Variants in ANGPT1 observed in about 807,000 individuals in gnomAD.
ANGPT1 encodes the protein angiopoietin-1.
Under a neutral mutation model 62.2 loss-of-function variants are expected in ANGPT1, and 17 were observed. The observed-to-expected ratio is 0.27, with a 90% CI of 0.19 to 0.41. ANGPT1 has a LOEUF of 0.41. Among genes scored for constraint, ANGPT1 ranks in the 10% least tolerant of loss-of-function variants. The probability of loss-of-function intolerance (pLI) is 1.00; values close to 1 mark genes in which losing one functional copy is unlikely to be tolerated. For missense variants in ANGPT1, 478 were observed against 594.9 expected, an observed-to-expected ratio of 0.80 and a Z score of 2.04; for synonymous variants, 199 against 198.9, an observed-to-expected ratio of 1.00 and a Z score of 0.00.
At chr8:107,486,779 C>G (rs541716370) in intron 1 of ANGPT1, among the ~76,000 whole-genome samples, 1 of 152,164 alleles carries the variant, frequency 6.6e-6, no homozygotes, top group Non-Finnish European at 1.5e-5. Flanking sequence ...CACTTCATCA[C>G]TGGGCTGTAC....
At chr8:107,433,147 G>A (rs912886224) in intron 1 of ANGPT1, among the ~76,000 whole-genome samples, 4 of 151,984 alleles carry the variant, frequency 2.6e-5, no homozygotes, top group African/African-American at 9.7e-5. Flanking sequence ...ATTTGGTGTG[G>A]GTATAGGGGA....
chr8:107,334,412 C>T (rs895360474), intron 3 of ANGPT1, among the ~76,000 whole-genome samples: 5 of 152,138 alleles, frequency 3.3e-5, no homozygotes, highest in Admixed American at 6.5e-5. Flanking sequence ...AGAAGTCAGA[C>T]TTCCAGACTG....
At chr8:107,340,497 T>C (rs1251489337) in intron 2 of ANGPT1, among the ~76,000 whole-genome samples, 2 of 152,072 alleles carry the variant, frequency 1.3e-5, no homozygotes, top group African/African-American at 4.8e-5. Flanking sequence ...CTCTGATCCT[T>C]TAAATTAATA....
intron 1 of ANGPT1, among the ~76,000 whole-genome samples, chr8:107,445,132 CATCACATCTCCT>C (rs1216029674): frequency 2.0e-5 from 3 of 152,172 alleles, no homozygotes; most frequent in Non-Finnish European, 4.4e-5. Context: ...TAGAGAATCA[CATCACATCTCCT>C]ATCATATCAG....
At chr8:107,458,543 T>A (rs905906192) in intron 1 of ANGPT1, among the ~76,000 whole-genome samples, 6 of 152,168 alleles carry the variant, frequency 3.9e-5, no homozygotes, top group African/African-American at 1.2e-4. Context: ...ATTTAGTAAC[T>A]ATGTCTAGTA....
chr8:107,355,739 T>C (rs897691809), intron 1 of ANGPT1, among the ~76,000 whole-genome samples: 1 of 152,176 alleles, frequency 6.6e-6, no homozygotes, highest in African/African-American at 2.4e-5. Flanking sequence ...CTAGGAAGCC[T>C]CTCATCAATC....
intron 1 of ANGPT1, among the ~76,000 whole-genome samples, chr8:107,477,182 C>A (rs968504768): frequency 6.6e-6 from 1 of 152,148 alleles, no homozygotes; most frequent in East Asian, 1.9e-4. Context: ...CCTGACCTAT[C>A]ACACCTACTC....
intron 1 of ANGPT1, among the ~76,000 whole-genome samples, chr8:107,355,933 G>A (rs1217879731): frequency 1.3e-5 from 2 of 152,182 alleles, no homozygotes; most frequent in East Asian, 3.9e-4. Flanking sequence ...GTTCAACTTG[G>A]TACCACTTCC....
At chr8:107,270,951 T>C (rs1257196794) in intron 7 of ANGPT1, among the ~76,000 whole-genome samples, 1 of 151,996 alleles carries the variant, frequency 6.6e-6, no homozygotes. Flanking sequence ...CTTATAGATA[T>C]CTAAAAACAT....
chr8:107,483,109 A>G (rs955927232), intron 1 of ANGPT1, among the ~76,000 whole-genome samples: 3 of 152,168 alleles, frequency 2.0e-5, no homozygotes, highest in African/African-American at 4.8e-5. Flanking sequence ...TAATCTTCAA[A>G]ATTAGATCCA....
chr8:107,364,909 G>T (rs1235902134), intron 1 of ANGPT1, among the ~76,000 whole-genome samples: 3 of 151,992 alleles, frequency 2.0e-5, no homozygotes, highest in Non-Finnish European at 4.4e-5. Flanking sequence ...ATGTCTTTCA[G>T]AAAAGAACTG....
intron 1 of ANGPT1, among the ~76,000 whole-genome samples, chr8:107,472,795 A>G (rs1161312707): frequency 6.6e-6 from 1 of 152,040 alleles, no homozygotes; most frequent in Non-Finnish European, 1.5e-5. Context: ...ACACACATAC[A>G]TATAAGAACA....
chr8:107,260,834 T>C (rs1404294640), intron 8 of ANGPT1, among the ~76,000 whole-genome samples: 2 of 152,176 alleles, frequency 1.3e-5, no homozygotes, highest in Non-Finnish European at 2.9e-5. Flanking sequence ...TGAGTAAGAA[T>C]TGGGTCCAAG....
chr8:107,416,637 G>T (rs371190305), intron 1 of ANGPT1, among the ~76,000 whole-genome samples: 1 of 152,112 alleles, frequency 6.6e-6, no homozygotes, highest in Admixed American at 6.5e-5. Context: ...GGACAAAAAG[G>T]GTATAATCTA....
At chr8:107,289,610 A>T (rs899891034) in intron 6 of ANGPT1, among the ~76,000 whole-genome samples, 2 of 152,162 alleles carry the variant, frequency 1.3e-5, no homozygotes, top group African/African-American at 4.8e-5. Flanking sequence ...TGTATTTCAA[A>T]ATTTTTAATT....
At chr8:107,383,486 A>G (rs987119022) in intron 1 of ANGPT1, among the ~76,000 whole-genome samples, 8 of 152,202 alleles carry the variant, frequency 5.3e-5, no homozygotes, top group Non-Finnish European at 1.0e-4. Flanking sequence ...TTATCACAGC[A>G]GTAACATTTG....
intron 1 of ANGPT1, among the ~76,000 whole-genome samples, chr8:107,360,316 C>T (rs948774087): frequency 2.0e-5 from 3 of 152,110 alleles, no homozygotes; most frequent in African/African-American, 7.2e-5. Flanking sequence ...CACAGCAGCC[C>T]TTTGAAATAG....
chr8:107,388,101 C>T (rs1232252969), intron 1 of ANGPT1, among the ~76,000 whole-genome samples: 2 of 152,022 alleles, frequency 1.3e-5, no homozygotes, highest in Non-Finnish European at 2.9e-5. Flanking sequence ...TTCATATTTT[C>T]ACAACTTAGT....
At chr8:107,302,860 G>A (rs1026425990) in intron 5 of ANGPT1, among the ~76,000 whole-genome samples, 29 of 151,894 alleles carry the variant, frequency 1.9e-4, no homozygotes, top group African/African-American at 6.5e-4. Flanking sequence ...TCTCCTCACA[G>A]TATTTGGCTT....
Sources: allele counts gnomAD v4.1 joint callset (sites outside exome capture counted in the v4.1 genomes callset), GRCh38; gene constraint gnomAD v4.1.1; transcripts MANE v1.5; gene names NCBI Gene and HGNC (gene_info 2026-07-23, HGNC 2026-07-21).